Variants in YAF2 observed in about 807,000 individuals in gnomAD.
The protein encoded by YAF2 is YY1 associated factor 2.
In YAF2, 7 loss-of-function variants were observed where a neutral mutation model predicts 20.1. The observed-to-expected ratio is 0.35, with a 90% confidence interval of 0.20 to 0.65. The LOEUF is 0.65. YAF2 is among the 30% of genes least tolerant of loss of function. The probability of loss-of-function intolerance (pLI) is 0.69; values close to 1 mark genes in which losing one functional copy is unlikely to be tolerated. For missense variants in YAF2, 151 were observed against 219.2 expected (o/e 0.69, Z 1.96); for synonymous variants, 74 against 76.0 (o/e 0.97, Z 0.14).
intron 2 of YAF2, chr12:42,199,394 C>T (rs2066840266): frequency 3.7e-6 from 1 of 272,404 alleles, no homozygotes; most frequent in Admixed American, 5.2e-5. Context: ...ACATTGTTCA[C>T]TATGATTTAT....
intron 2 of YAF2, among the ~76,000 whole-genome samples, chr12:42,224,859 T>C (rs886493111): frequency 2.7e-4 from 41 of 152,200 alleles, no homozygotes; most frequent in African/African-American, 9.7e-4. Flanking sequence ...GTCTTTACAG[T>C]AGAATGATTT....
At chr12:42,198,988 G>C in intron 2 of YAF2, 1 of 378,294 alleles carries the variant, frequency 2.6e-6, no homozygotes, top group Non-Finnish European at 4.8e-6. Flanking sequence ...AGACTTTACA[G>C]TGCAATTCTA....
At chr12:42,194,783 T>A (rs1837486040) in intron 2 of YAF2, among the ~76,000 whole-genome samples, 2 of 152,160 alleles carry the variant, frequency 1.3e-5, no homozygotes, top group Admixed American at 1.3e-4. Context: ...TATGGAAATA[T>A]CCCCTCATGA....
intron 2 of YAF2, among the ~76,000 whole-genome samples, chr12:42,227,542 G>C (rs1216105237): frequency 6.7e-6 from 1 of 148,514 alleles, no homozygotes; most frequent in East Asian, 2.0e-4. Context: ...CCCCGTCTGG[G>C]AGGTGAGGAG....
chr12:42,197,927 G>A (rs1479431420), intron 2 of YAF2, among the ~76,000 whole-genome samples: 1 of 151,914 alleles, frequency 6.6e-6, no homozygotes, highest in African/African-American at 2.4e-5. Flanking sequence ...AAAATATTAA[G>A]TCACATATGT....
At chr12:42,227,397 C>T (rs1370219640) in intron 2 of YAF2, among the ~76,000 whole-genome samples, 5 of 91,820 alleles carry the variant, frequency 5.4e-5, no homozygotes, top group South Asian at 4.6e-4. Flanking sequence ...AAGTGAGGAG[C>T]GCCTCTTCCC....
chr12:42,230,591 C>T (rs777959288), intron 2 of YAF2, among the ~76,000 whole-genome samples: 1 of 151,970 alleles, frequency 6.6e-6, no homozygotes, highest in Non-Finnish European at 1.5e-5. Flanking sequence ...TAGTTCATGA[C>T]AGAAGTGATA....
chr12:42,200,151 A>G (rs994088872), intron 2 of YAF2, among the ~76,000 whole-genome samples: 1 of 152,224 alleles, frequency 6.6e-6, no homozygotes, highest in Non-Finnish European at 1.5e-5. Flanking sequence ...TACAGAGTTT[A>G]CACTCTGGTA....
chr12:42,222,863 AG>A (rs2067562223), intron 2 of YAF2, among the ~76,000 whole-genome samples: 1 of 152,170 alleles, frequency 6.6e-6, no homozygotes, highest in African/African-American at 2.4e-5. Flanking sequence ...GCTGACACAC[AG>A]TAAGTGCTCT....
intron 2 of YAF2, among the ~76,000 whole-genome samples, chr12:42,178,740 G>T (rs1359064395): frequency 6.6e-6 from 1 of 152,120 alleles, no homozygotes; most frequent in African/African-American, 2.4e-5. Flanking sequence ...CATGCTAAAT[G>T]AAGAAAATTT....
chr12:42,177,343 G>C (rs893761963), intron 2 of YAF2, among the ~76,000 whole-genome samples: 7 of 152,240 alleles, frequency 4.6e-5, no homozygotes, highest in Admixed American at 3.3e-4. Context: ...CTGGAGGGTG[G>C]AAAGTCCAAG....
chr12:42,220,824 C>CA (rs1435883661), intron 2 of YAF2, among the ~76,000 whole-genome samples: 2 of 152,294 alleles, frequency 1.3e-5, no homozygotes, highest in African/African-American at 4.8e-5. Context: ...ACACCATACA[C>CA]ACACATCCAG....
intron 2 of YAF2, among the ~76,000 whole-genome samples, chr12:42,228,054 G>A (rs1157643996): frequency 3.7e-4 from 40 of 108,032 alleles, no homozygotes; most frequent in African/African-American, 4.5e-4. Flanking sequence ...CAGCCGCCCC[G>A]TCTGGGAGGT....
chr12:42,203,674 C>A (rs774669248), intron 2 of YAF2, among the ~76,000 whole-genome samples: 46 of 151,994 alleles, frequency 3.0e-4, no homozygotes, highest in Non-Finnish European at 5.0e-4. Context: ...TAAATTGATA[C>A]AATTTTCAAA....
At chr12:42,237,846 G>A in intron 1 of YAF2, 122 bp from the exon 2 acceptor site, 1 of 883,884 alleles carries the variant, frequency 1.1e-6, no homozygotes, top group Non-Finnish European at 1.3e-6. Flanking sequence ...CCGCCCCGCG[G>A]GCCCTCGGCG....
chr12:42,194,817 G>C (rs2066708344), intron 2 of YAF2, among the ~76,000 whole-genome samples: 1 of 152,208 alleles, frequency 6.6e-6, no homozygotes, highest in East Asian at 1.9e-4. Context: ...GTAAAAACAT[G>C]CAAACATACA....
At chr12:42,192,843 G>A (rs189994096) in intron 2 of YAF2, among the ~76,000 whole-genome samples, 23 of 152,206 alleles carry the variant, frequency 1.5e-4, no homozygotes, top group African/African-American at 5.1e-4. Context: ...GTCACACGTC[G>A]CATAACAACA....
At chr12:42,191,004 T>C (rs923244924) in intron 2 of YAF2, among the ~76,000 whole-genome samples, 3 of 152,188 alleles carry the variant, frequency 2.0e-5, no homozygotes, top group Non-Finnish European at 4.4e-5. Flanking sequence ...AATTTAAAAG[T>C]ATTTTTTTCT....
intron 2 of YAF2, among the ~76,000 whole-genome samples, chr12:42,228,082 A>G (rs371905892): frequency 0.018 from 908 of 50,774 alleles, 5 homozygotes; most frequent in Admixed American, 0.024. Flanking sequence ...GCCTCTGCCC[A>G]GCCGCCCCTA....
Sources: allele counts gnomAD v4.1 joint callset (sites outside exome capture counted in the v4.1 genomes callset), GRCh38; gene constraint gnomAD v4.1.1; transcripts MANE v1.5; gene names NCBI Gene and HGNC (gene_info 2026-07-23, HGNC 2026-07-21).